P2RY14: variants seen among roughly 807,000 people sequenced by gnomAD.
The protein encoded by P2RY14 is purinergic receptor P2Y14, also known as P2Y purinoceptor 14.
Under a neutral mutation model 0.9 loss-of-function variants are expected in P2RY14, and 2 were observed. That is an observed-to-expected ratio of 2.16 (90% CI 0.88 to 6.79). The LOEUF (loss-of-function observed/expected upper bound fraction) is 6.79, where lower values mean the gene tolerates loss of function less well. P2RY14 is among the 30% of genes most tolerant of loss of function. P2RY14 has a pLI of 0.05. For missense variants in P2RY14, 378 were observed against 400.1 expected, an observed-to-expected ratio of 0.94 and a Z score of 0.47; for synonymous variants, 158 against 147.2, an observed-to-expected ratio of 1.07 and a Z score of -0.53.
intron 1 of P2RY14, among the ~76,000 whole-genome samples, chr3:151,252,825 A>G (rs778666920): frequency 3.9e-4 from 60 of 152,254 alleles, no homozygotes; most frequent in Middle Eastern, 3.4e-3. Flanking sequence ...CTTGAGTAAA[A>G]TGTGTGTATT....
rs186011593 is a variant in P2RY14 at position 151,268,923 on chromosome 3, T to A, written c.-133+9364A>T. 1.6e-4 allele frequency among the ~76,000 whole-genome samples: 25 copies of A among 152,220 alleles called. No homozygotes were observed. In the East Asian group the frequency reaches 4.3e-3, roughly 26 times the overall value. On this transcript the variant is annotated intron_variant, in intron 1 of 2. Coordinates refer to ENST00000309170, the MANE Select transcript of P2RY14 (RefSeq NM_014879.4). ...TTTTTTAGCCACAAAACAAAAAAAATTAAGTTTTCTGAGCGTCTTCCTGAC... is the reference window on the plus strand; with the variant it reads ...TTTTTTAGCCACAAAACAAAAAAAAATAAGTTTTCTGAGCGTCTTCCTGAC...
intron 1 of P2RY14, among the ~76,000 whole-genome samples, chr3:151,253,974 C>T (rs58139829): frequency 0.27 from 39,968 of 147,638 alleles, 5,672 homozygotes; most frequent in Non-Finnish European, 0.31. Flanking sequence ...TTTGATATAC[C>T]TTCTTTTTGT....
chr3:151,236,268 A>G, intron 1 of P2RY14, among the ~76,000 whole-genome samples: 1 of 152,220 alleles, frequency 6.6e-6, no homozygotes, highest in Non-Finnish European at 1.5e-5. Context: ...TTTGTTCAGC[A>G]CTTCTAGAGT....
intron 1 of P2RY14, among the ~76,000 whole-genome samples, chr3:151,222,259 T>A (rs1206108646): frequency 2.0e-5 from 3 of 152,094 alleles, no homozygotes; most frequent in African/African-American, 2.4e-5. Flanking sequence ...GGGATGAGAC[T>A]CTGGACTGTG....
intron 1 of P2RY14, among the ~76,000 whole-genome samples, chr3:151,245,845 C>T (rs1260114444): frequency 1.1e-4 from 16 of 150,870 alleles, no homozygotes; most frequent in Middle Eastern, 3.4e-3. Flanking sequence ...TGTTTGCAGA[C>T]GACATGATTG....
At chr3:151,274,818 A>G (rs1021127528) in intron 1 of P2RY14, among the ~76,000 whole-genome samples, 1 of 152,228 alleles carries the variant, frequency 6.6e-6, no homozygotes, top group African/African-American at 2.4e-5. Flanking sequence ...AATGTAAGCC[A>G]CCAGAGGCCC....
At chr3:151,277,281 A>G (rs755745865) in intron 1 of P2RY14, among the ~76,000 whole-genome samples, 1 of 152,068 alleles carries the variant, frequency 6.6e-6, no homozygotes, top group Non-Finnish European at 1.5e-5. Context: ...TGTGCACACA[A>G]TTGTATGCAT....
intron 1 of P2RY14, among the ~76,000 whole-genome samples, chr3:151,275,068 C>T (rs1051911246): frequency 6.6e-6 from 1 of 152,164 alleles, no homozygotes; most frequent in Middle Eastern, 3.2e-3. Context: ...TGAGTTCTTT[C>T]CAGCCAGGTG....
At chr3:151,274,284 CAGT>C (rs1741485216) in intron 1 of P2RY14, among the ~76,000 whole-genome samples, 1 of 152,218 alleles carries the variant, frequency 6.6e-6, no homozygotes, top group Non-Finnish European at 1.5e-5. Context: ...TAACTTGCCT[CAGT>C]GGTACCAGTT....
At chr3:151,268,659 T>C (rs1740290730) in intron 1 of P2RY14, among the ~76,000 whole-genome samples, 1 of 152,228 alleles carries the variant, frequency 6.6e-6, no homozygotes, top group Non-Finnish European at 1.5e-5. Context: ...AGGCTGAGCA[T>C]AGAGCCTTTA....
chr3:151,242,186 A>G (rs999593160), intron 1 of P2RY14, among the ~76,000 whole-genome samples: 172 of 152,292 alleles, frequency 1.1e-3, no homozygotes, highest in Middle Eastern at 3.4e-3. Context: ...AGGCAGCAAC[A>G]CGGCTGGGGG....
chr3:151,220,521 C>G (rs1729135391), intron 1 of P2RY14, among the ~76,000 whole-genome samples: 1 of 152,116 alleles, frequency 6.6e-6, no homozygotes, highest in Non-Finnish European at 1.5e-5. Flanking sequence ...TCCCGTAATA[C>G]CCACATGTTG....
At position 151,230,649 on chromosome 3, in the gene P2RY14, C is replaced by G. The variant is rs192517385; in HGVS notation, c.-132-11007G>C. 3.2e-4 allele frequency among the ~76,000 whole-genome samples: 47 copies of G among 146,536 alleles called. No homozygotes were observed. The East Asian group carries it at 8.2e-3, about 26-fold the overall frequency. ...CTATGTGTTATTGCTTTTCTCTTTTCTATTTTCAACGTCTCTTTCTAAGGG... is the reference window on the plus strand; with the variant it reads ...CTATGTGTTATTGCTTTTCTCTTTTGTATTTTCAACGTCTCTTTCTAAGGG... On this transcript the variant is annotated intron_variant, in intron 1 of 2. Transcript: ENST00000309170.
chr3:151,259,723 G>A (rs1230316588), intron 1 of P2RY14, among the ~76,000 whole-genome samples: 1 of 152,180 alleles, frequency 6.6e-6, no homozygotes, highest in Non-Finnish European at 1.5e-5. Context: ...TAAATACTCT[G>A]TGTTAATCTT....
chr3:151,256,319 G>T (rs745551029), intron 1 of P2RY14, among the ~76,000 whole-genome samples: 1 of 152,062 alleles, frequency 6.6e-6, no homozygotes, highest in Non-Finnish European at 1.5e-5. Context: ...AGTGCTTCTC[G>T]GAGCTTTACA....
At chr3:151,267,648 C>T (rs956032062) in intron 1 of P2RY14, among the ~76,000 whole-genome samples, 1 of 152,122 alleles carries the variant, frequency 6.6e-6, no homozygotes, top group African/African-American at 2.4e-5. Context: ...TAGAAAATGT[C>T]TCTTGAGAGT....
rs1728929681 is a variant in P2RY14 at position 151,219,642 on chromosome 3, C to T, written c.-132G>A. The T allele has an allele frequency of 6.6e-6, 1 of 152,046 alleles. No homozygotes were observed. The highest frequency in any genetic ancestry group is 2.4e-5 in the African/African-American group (1 of 41,386). 9.4% of individuals were successfully genotyped at this position (152,046 alleles called of 1,614,324 possible). On this transcript the variant is annotated splice_region_variant and 5_prime_UTR_variant, in exon 2 of 3. Coordinates refer to ENST00000309170, the MANE Select transcript of P2RY14 (RefSeq NM_014879.4). ...GCCCAAGTGTTTTTTCATTAAAGAT[C>T]CTGCATTACACAAAACAAAAAACCA...
chr3:151,261,976 C>T (rs868823313), intron 1 of P2RY14, among the ~76,000 whole-genome samples: 2 of 152,182 alleles, frequency 1.3e-5, no homozygotes, highest in South Asian at 4.1e-4. Context: ...ATTGACCCGC[C>T]TCGGCCTCCC....
rs55920434 is a variant in P2RY14, at chr3:151,270,196, CGTGTGTGT to C, written c.-133+8083_-133+8090del. On this transcript the variant is annotated intron_variant, in intron 1 of 2. Transcript: ENST00000309170. ...TCTCCAGTTCCTGGGAGCAAGCTGT[CGTGTGTGT>C]GTGTGTGTGTGTGTGTGTGTGTGTG... The C allele has an allele frequency of 5.5e-3, 709 of 129,704 alleles. 8 individuals carry two copies. Among genetic ancestry groups the C allele is most frequent in the East Asian group, 0.028 (121 of 4,342 alleles). The allele number at this position is 129,704 out of a possible 1,614,324, so 8.0% of individuals were successfully genotyped here.
Sources: allele counts gnomAD v4.1 joint callset (sites outside exome capture counted in the v4.1 genomes callset), GRCh38; gene constraint gnomAD v4.1.1; transcripts MANE v1.5; gene names NCBI Gene and HGNC (gene_info 2026-07-23, HGNC 2026-07-21).